RBFOX3: variants seen among roughly 807,000 people sequenced by gnomAD.
RBFOX3 encodes the protein RNA binding fox-1 homolog 3, also known as RNA binding protein fox-1 homolog 3.
In RBFOX3, 17 loss-of-function variants were observed where a neutral mutation model predicts 48.7. That is an observed-to-expected ratio of 0.35 (90% CI 0.24 to 0.52). The LOEUF (loss-of-function observed/expected upper bound fraction) is 0.52, where lower values mean the gene tolerates loss of function less well. Among genes scored for constraint, RBFOX3 ranks in the 20% least tolerant of loss-of-function variants. The pLI, the probability that RBFOX3 is intolerant of heterozygous loss-of-function variation, is 0.94. For missense variants in RBFOX3, 382 were observed against 497.5 expected, an observed-to-expected ratio of 0.77 and a Z score of 2.21; for synonymous variants, 212 against 209.5, an observed-to-expected ratio of 1.01 and a Z score of -0.10.
intron 2 of RBFOX3, among the ~76,000 whole-genome samples, chr17:79,406,841 G>T (rs1325341920): frequency 2.6e-5 from 4 of 152,174 alleles, no homozygotes; most frequent in African/African-American, 9.7e-5. Flanking sequence ...GACCTGGGGG[G>T]ACAATATTTG....
At chr17:79,636,557 A>G in the RBFOX3 span, among the ~76,000 whole-genome samples, 4 of 152,150 alleles carry the variant, frequency 2.6e-5, no homozygotes, top group East Asian at 1.9e-4. Context: ...CTTAACTTCA[A>G]TCGCATACAA....
chr17:79,642,748 A>G, the RBFOX3 span, among the ~76,000 whole-genome samples: 2 of 152,256 alleles, frequency 1.3e-5, no homozygotes. Flanking sequence ...CAAATGCACG[A>G]GAAACAGAGG....
At chr17:79,284,856 A>T (rs1219621877) in intron 3 of RBFOX3, among the ~76,000 whole-genome samples, 1 of 152,020 alleles carries the variant, frequency 6.6e-6, no homozygotes, top group African/African-American at 2.4e-5. Flanking sequence ...CTCTTTTATG[A>T]CTGCCCTGAT....
At position 79,244,055 on chromosome 17, in the gene RBFOX3, C is replaced by T. The variant is rs77379460; in HGVS notation, c.-73-8250G>A. Among the ~76,000 whole-genome samples, 1,138 of 152,282 alleles carry T rather than the reference C, an allele frequency of 7.5e-3. 12 individuals are homozygous for T. The highest frequency in any genetic ancestry group is 0.026 in the African/African-American group (1,059 of 41,526). ...CTTCCACACATGAAGGAGATACCAC[C>T]GCACAGGGCAGAATGGTGTCCCCAG... is the stretch of plus-strand genomic sequence containing the variant. On this transcript the variant is annotated intron_variant, in intron 3 of 14. Coordinates refer to ENST00000693108, the MANE Select transcript of RBFOX3 (RefSeq NM_001350451.2).
intron 2 of RBFOX3, among the ~76,000 whole-genome samples, chr17:79,369,622 A>G (rs56193488): frequency 0.13 from 19,299 of 151,976 alleles, 1,703 homozygotes; most frequent in Non-Finnish European, 0.2. Context: ...CTCCCCTGCC[A>G]CCACCATCTT....
At chr17:79,309,119 A>AC (rs1172350414) in intron 2 of RBFOX3, among the ~76,000 whole-genome samples, 1 of 151,286 alleles carries the variant, frequency 6.6e-6, no homozygotes, top group Admixed American at 6.6e-5. Flanking sequence ...AAAAAAAAAA[A>AC]ACTAAATGTT....
At chr17:79,253,480 T>C (rs2064295465) in intron 3 of RBFOX3, among the ~76,000 whole-genome samples, 2 of 152,198 alleles carry the variant, frequency 1.3e-5, no homozygotes, top group South Asian at 4.1e-4. Flanking sequence ...TTATAGCCAC[T>C]TTCTCTGGCG....
At chr17:79,522,557 C>T (rs1466939143) in intron 1 of RBFOX3, among the ~76,000 whole-genome samples, 2 of 152,046 alleles carry the variant, frequency 1.3e-5, no homozygotes, top group East Asian at 3.9e-4. Context: ...CATTTAAAGT[C>T]CTCTCACCCG....
intron 1 of RBFOX3, among the ~76,000 whole-genome samples, chr17:79,491,446 GGAA>G (rs2080634428): frequency 1.3e-5 from 2 of 151,920 alleles, no homozygotes; most frequent in African/African-American, 4.8e-5. Flanking sequence ...TGGGTAGAGG[GGAA>G]AAACCAAGGC....
At chr17:79,329,465 C>T (rs2079869898) in intron 2 of RBFOX3, among the ~76,000 whole-genome samples, 1 of 152,168 alleles carries the variant, frequency 6.6e-6, no homozygotes, top group Non-Finnish European at 1.5e-5. Context: ...GCAGTTCCTG[C>T]TGATGGTGTT....
At chr17:79,476,260 C>T (rs1011785603) in intron 2 of RBFOX3, among the ~76,000 whole-genome samples, 17 of 152,354 alleles carry the variant, frequency 1.1e-4, no homozygotes, top group Admixed American at 2.0e-4. Context: ...TAATTGGGAG[C>T]GGTGTCCTGG....
chr17:79,452,493 C>T (rs376054203), intron 2 of RBFOX3, among the ~76,000 whole-genome samples: 3 of 152,226 alleles, frequency 2.0e-5, no homozygotes, highest in East Asian at 3.8e-4. Flanking sequence ...AGGCTGTTGG[C>T]TCTTTCTTCT....
chr17:79,431,846 G>A (rs1555728581), intron 2 of RBFOX3, among the ~76,000 whole-genome samples: 1 of 152,220 alleles, frequency 6.6e-6, no homozygotes, highest in Non-Finnish European at 1.5e-5. Context: ...TGTACAGTCA[G>A]TGGCATTCGG....
chr17:79,602,988 CTTT>C (rs35479641), intron 1 of RBFOX3, among the ~76,000 whole-genome samples: 1,972 of 99,168 alleles, frequency 0.02, 16 homozygotes, highest in Admixed American at 0.03. Flanking sequence ...TTGAGCTACC[CTTT>C]TTTTTTTTTT....
chr17:79,426,287 G>A (rs2067365436), intron 2 of RBFOX3, among the ~76,000 whole-genome samples: 1 of 152,166 alleles, frequency 6.6e-6, no homozygotes, highest in African/African-American at 2.4e-5. Context: ...GCAGACAGTC[G>A]AGGATGGCTG....
At position 79,172,262 on chromosome 17, in the gene RBFOX3, T is replaced by C. The variant is rs74001627; in HGVS notation, c.-33-56514A>G. On this transcript the variant is annotated intron_variant, in intron 4 of 14. Transcript: ENST00000693108. ...GGACATTTAAAAAATGAACAGCAGA[T>C]ATCACTATCACAAAAATGGGCATTT... Among the ~76,000 whole-genome samples, 817 of 151,442 alleles carry C rather than the reference T, an allele frequency of 5.4e-3. 10 individuals carry two copies. The highest frequency in any genetic ancestry group is 0.019 in the African/African-American group (779 of 41,242).
chr17:79,385,170 G>A (rs1000042802), intron 2 of RBFOX3, among the ~76,000 whole-genome samples: 1 of 152,206 alleles, frequency 6.6e-6, no homozygotes, highest in African/African-American at 2.4e-5. Flanking sequence ...GGAAATAACT[G>A]GGAAGGGCAG....
chr17:79,349,779 G>A (rs145506759), intron 2 of RBFOX3, among the ~76,000 whole-genome samples: 1 of 152,050 alleles, frequency 6.6e-6, no homozygotes, highest in Non-Finnish European at 1.5e-5. Flanking sequence ...TGCCATCAGT[G>A]GTGGATCCCC....
the RBFOX3 span, among the ~76,000 whole-genome samples, chr17:79,663,996 G>A: frequency 6.6e-6 from 1 of 152,092 alleles, no homozygotes; most frequent in Non-Finnish European, 1.5e-5. Flanking sequence ...ACCAAGGAAG[G>A]CAGGTCCCGA....
Sources: allele counts gnomAD v4.1 joint callset (sites outside exome capture counted in the v4.1 genomes callset), GRCh38; gene constraint gnomAD v4.1.1; transcripts MANE v1.5; gene names NCBI Gene and HGNC (gene_info 2026-07-23, HGNC 2026-07-21).